Variants in DNAH2 observed in about 807,000 individuals in gnomAD.
DNAH2 encodes dynein axonemal heavy chain 2, also known as axonemal beta dynein heavy chain 2.
In DNAH2, 323 loss-of-function variants were observed where a neutral mutation model predicts 523.5. That is an observed-to-expected ratio of 0.62 (90% CI 0.56 to 0.68). The LOEUF (loss-of-function observed/expected upper bound fraction) is 0.68, where lower values mean the gene tolerates loss of function less well. DNAH2 is among the 30% of genes least tolerant of loss of function. The pLI, the probability that DNAH2 is intolerant of heterozygous loss-of-function variation, is 0.00. For synonymous variants in DNAH2, 2,093 were observed against 2,177.4 expected (o/e 0.96, Z 1.08); for missense variants, 4,907 against 5,701.5 (o/e 0.86, Z 4.49).
intron 64 of DNAH2, among the ~76,000 whole-genome samples, 172 bp from the exon 65 acceptor site, chr17:7,817,118 A>T (rs529562819): frequency 6.6e-6 from 1 of 152,296 alleles, no homozygotes; most frequent in South Asian, 2.1e-4. Flanking sequence ...AGAGATAGAG[A>T]ACTCAAAAGT....
chr17:7,819,203 C>A lies in DNAH2; in HGVS notation c.10816-6C>A. 3 of 1,613,150 alleles carry A rather than the reference C, an allele frequency of 1.9e-6. No individual in the cohort carries two copies. Among genetic ancestry groups the A allele is most frequent in the Non-Finnish European group, 2.5e-6 (3 of 1,180,022 alleles). ...TGGCCCTGACTCCACCCATCCCCACCGGCAGGCTTACCGCCCATGCGCCCA... is the reference window on the plus strand; with the variant it reads ...TGGCCCTGACTCCACCCATCCCCACAGGCAGGCTTACCGCCCATGCGCCCA... On this transcript the variant is annotated splice_region_variant and splice_polypyrimidine_tract_variant and intron_variant, in intron 71 of 85. Coordinates refer to ENST00000572933, the MANE Select transcript of DNAH2 (RefSeq NM_020877.5).
At chr17:7,752,232 TTTAA>T (rs1018577131) in intron 12 of DNAH2, among the ~76,000 whole-genome samples, 1 of 151,676 alleles carries the variant, frequency 6.6e-6, no homozygotes, top group Non-Finnish European at 1.5e-5. Context: ...TTTTTGTTGT[TTTAA>T]TTGTTATTGT....
chr17:7,739,634 T>A, intron 8 of DNAH2, 99 bp from the exon 9 acceptor site: 12 of 1,035,734 alleles, frequency 1.2e-5, no homozygotes, highest in African/African-American at 1.6e-5. Flanking sequence ...TTGCCATCAC[T>A]CACAGTGATG....
rs753091905 is a variant in DNAH2 at position 7,805,364 on chromosome 17, C to T, written c.9413C>T (p.Pro3138Leu). 1 of 1,614,228 alleles carries T rather than the reference C, an allele frequency of 6.2e-7. No homozygotes were observed. The highest frequency in any genetic ancestry group is 8.5e-7 in the Non-Finnish European group (1 of 1,180,042). The change falls in exon 61 of 86, where the codon CCC (proline) becomes CTC (leucine). Residue 3138 changes from proline (P) to leucine (L), a missense_variant. This residue lies in a region of DNAH2 where 1,851 missense variants were observed against 2,139.4 expected (regional missense o/e 0.87). Coordinates refer to ENST00000572933, the MANE Select transcript of DNAH2 (RefSeq NM_020877.5). ...GTTATGATTCTTCGAGGCAACGAGC[C>T]CACATGGGCAGAGGCCAAGAGGCAG... ...QAVMILRGNE[P>L]TWAEAKRQLG... is the part of the protein sequence containing the mutation.
chr17:7,793,304 G>A (rs915225998), intron 48 of DNAH2, 99 bp downstream of exon 48: 2 of 1,267,974 alleles, frequency 1.6e-6, no homozygotes, highest in Admixed American at 4.8e-5. Context: ...CTGTCATCTT[G>A]GATTCCTTCC....
In DNAH2 at chr17:7,802,010, T is replaced by A; in HGVS notation, c.8965T>A (p.Tyr2989Asn). The change falls in exon 58 of 86, where the codon TAT (tyrosine) becomes AAT (asparagine). Residue 2989 changes from tyrosine (Y) to asparagine (N), a missense_variant. Coordinates refer to ENST00000572933, the MANE Select transcript of DNAH2 (RefSeq NM_020877.5). ...PTKYLELLSG[Y>N]KKLLGEKRQE... ...CAAATACCTGGAACTCCTGTCTGGA[T>A]ATAAGAAGTATGAAGGGGGGCAGGG... 6.2e-7 allele frequency: 1 copy of A among 1,614,024 alleles called. No homozygotes were observed.
At chr17:7,766,164 C>T (rs1033718210) in intron 21 of DNAH2, among the ~76,000 whole-genome samples, 154 bp from the exon 22 acceptor site, 3 of 152,106 alleles carry the variant, frequency 2.0e-5, no homozygotes, top group African/African-American at 4.8e-5. Context: ...TAAGATTAAC[C>T]GTTATTCTTT....
Position 7,819,319 on chromosome 17 carries a change from T to C in DNAH2, c.10926T>C (p.Phe3642=), listed in dbSNP as rs1415439549. Residue 3642 remains phenylalanine, a synonymous_variant, in exon 72 of 86, where the codon TTT becomes TTC. Transcript: ENST00000572933. ...QFSLDAYISL[F]ILSIDKSHRS... ...CACTGGATGCCTACATCAGCCTCTT[T>C]ATTCTCAGCATTGACAAAAGCCACC... is the stretch of plus-strand genomic sequence containing the variant. The C allele has an allele frequency of 1.2e-6, 2 of 1,614,122 alleles. No homozygotes were observed. The highest frequency in any genetic ancestry group is 8.5e-7 in the Non-Finnish European group (1 of 1,180,054).
chr17:7,739,573 T>C (rs2075245402), intron 8 of DNAH2, among the ~76,000 whole-genome samples, 160 bp from the exon 9 acceptor site: 1 of 152,150 alleles, frequency 6.6e-6, no homozygotes, highest in Admixed American at 6.6e-5. Flanking sequence ...CTGCAGCTGG[T>C]TGGCCCTCCC....
Position 7,817,674 on chromosome 17 carries a change from C to T in DNAH2, c.10134C>T (p.Ser3378=). 1 of 1,614,144 alleles carries T rather than the reference C, an allele frequency of 6.2e-7. No homozygotes were observed. Among genetic ancestry groups the T allele is most frequent in the East Asian group, 2.2e-5 (1 of 44,882 alleles). ...AAGGGTTGCCCTCAGACGCCTTCTC[C>T]ACTGAGAATGGCATCATCGTCACCC... The part of the protein sequence containing the change: ...NIQGLPSDAF[S]TENGIIVTRG... Residue 3378 remains serine (S), a synonymous_variant, in exon 66 of 86, where the codon TCC becomes TCT. Transcript: ENST00000572933.
In DNAH2 at chr17:7,776,827, T is replaced by C; in HGVS notation, c.4996T>C (p.Cys1666Arg). Reference protein sequence around the residue: ...QIQWTADVTKCLLTAKERADK... With the variant: ...QIQWTADVTKRLLTAKERADK... Reference sequence around the variant, plus strand: ...CCAGTGGACGGCTGATGTCACCAAGTGCCTGCTGACAGCGAAGGAGCGGGC... The same window carrying C: ...CCAGTGGACGGCTGATGTCACCAAGCGCCTGCTGACAGCGAAGGAGCGGGC... Residue 1666 changes from cysteine to arginine, a missense_variant, in exon 32 of 86, where the codon TGC (cysteine) becomes CGC (arginine). Cys to Arg is a radical substitution (Grantham distance 180). Transcript: ENST00000572933. 6.2e-7 allele frequency: 1 copy of C among 1,613,150 alleles called. No homozygotes were observed. The highest frequency in any genetic ancestry group is 8.5e-7 in the Non-Finnish European group (1 of 1,179,418).
In DNAH2 at chr17:7,805,247, C is replaced by T. The variant is rs770438438; in HGVS notation, c.9301-5C>T. 6.2e-7 allele frequency: 1 copy of T among 1,614,116 alleles called. No homozygotes were observed. The highest frequency in any genetic ancestry group is 8.5e-7 in the Non-Finnish European group (1 of 1,180,010). ...TTACCCTCACTTTATCCCCTTTTCC[C>T]CCAGGCCCTGGAGTCTCTGAACAAG... is the stretch of plus-strand genomic sequence containing the variant. On this transcript the variant is annotated splice_region_variant and splice_polypyrimidine_tract_variant and intron_variant, in intron 60 of 85. Transcript: ENST00000572933.
chr17:7,758,377 T>G, intron 13 of DNAH2, 118 bp from the exon 14 acceptor site: 1 of 1,310,672 alleles, frequency 7.6e-7, no homozygotes, highest in Non-Finnish European at 1.0e-6. Flanking sequence ...GTCTAGAATC[T>G]AGTCTAGAAT....
At chr17:7,739,091 G>A (rs1222866235) in intron 8 of DNAH2, 2 of 682,270 alleles carry the variant, frequency 2.9e-6, no homozygotes, top group Non-Finnish European at 5.4e-6. Flanking sequence ...AGGAACCAGG[G>A]CAAACGGGGC....
rs373473012 is a variant in DNAH2 at position 7,832,549 on chromosome 17, T to A, written c.12727-30T>A. 22 of 1,604,856 alleles carry A rather than the reference T, an allele frequency of 1.4e-5. No homozygotes were observed. The highest frequency in any genetic ancestry group is 4.0e-5 in the African/African-American group (3 of 74,508). On this transcript the variant is annotated intron_variant, in intron 82 of 85. Transcript: ENST00000572933. This position sits in a 1 kb window ranked among gnomAD's most constrained non-coding sequence, Gnocchi z 4.3. ...ATACGGATTTGAATGCACGGCTAAA[T>A]GAGTGAATACACACGCACTCCTTCC... is the stretch of plus-strand genomic sequence containing the variant.
intron 79 of DNAH2, 66 bp downstream of exon 79, chr17:7,830,908 G>A: frequency 6.3e-7 from 1 of 1,598,512 alleles, no homozygotes; most frequent in Non-Finnish European, 8.5e-7. Flanking sequence ...TGGGATCAGG[G>A]GTGGGGGTAA....
chr17:7,720,426 G>A (rs894980702), intron 2 of DNAH2, among the ~76,000 whole-genome samples: 16 of 152,170 alleles, frequency 1.1e-4, no homozygotes, highest in Non-Finnish European at 2.4e-4. Flanking sequence ...GGAGGTTCAG[G>A]TTCAGGATGA....
intron 4 of DNAH2, among the ~76,000 whole-genome samples, chr17:7,732,799 A>C (rs1475805012): frequency 6.6e-6 from 1 of 152,032 alleles, no homozygotes; most frequent in East Asian, 1.9e-4. Flanking sequence ...CCATCCAACA[A>C]ACATTATTGA....
In DNAH2 at chr17:7,764,168, C is replaced by G. The variant is rs370489371; in HGVS notation, c.3231C>G (p.Leu1077=). The G allele has an allele frequency of 6.8e-6, 11 of 1,614,202 alleles. No homozygotes were observed. The African/African-American group carries it at 1.3e-4, about 20-fold the overall frequency. Residue 1077 remains leucine (L), a synonymous_variant, in exon 20 of 86, where the codon CTC becomes CTG. Coordinates refer to ENST00000572933, the MANE Select transcript of DNAH2 (RefSeq NM_020877.5). ...TLEELGVSLQ[L]VDALKHDLAN... ...AGGAACTGGGGGTCAGCTTGCAGCT[C>G]GTGGATGCCCTGAAGCACGACTTGG...
Sources: gnomAD v4.1 joint callset for allele counts (sites outside exome capture counted in the v4.1 genomes callset) on GRCh38, gnomAD v4.1.1 for gene constraint, gnomAD v4.1.1 regional missense constraint, Gnocchi (gnomAD v3.1) non-coding constraint, MANE v1.5 for transcripts, NCBI Gene and HGNC (gene_info 2026-07-23, HGNC 2026-07-21) for gene names.